TRAPPC9: variants seen among roughly 807,000 people sequenced by gnomAD.
TRAPPC9 encodes the protein trafficking protein particle complex subunit 9, also known as IKK2 binding protein.
Under a neutral mutation model 124.0 loss-of-function variants are expected in TRAPPC9, and 83 were observed. The ratio of observed to expected loss-of-function variants is 0.67; its 90% CI spans 0.56 to 0.80. The LOEUF is 0.80. Ranked by LOEUF, TRAPPC9 falls within the 30% of genes least tolerant of loss-of-function variation. The pLI, the probability that TRAPPC9 is intolerant of heterozygous loss-of-function variation, is 0.00. For missense variants in TRAPPC9, 1,302 were observed against 1,508.3 expected (o/e 0.86, Z 2.27); for synonymous variants, 638 against 617.5 (o/e 1.03, Z -0.49).
chr8:140,341,847 G>A (rs139726455), intron 9 of TRAPPC9, among the ~76,000 whole-genome samples: 405 of 152,298 alleles, frequency 2.7e-3, no homozygotes, highest in African/African-American at 9.2e-3. Context: ...CCTCTGCTCT[G>A]GGCACAGCAG....
rs1230009233 is a variant in TRAPPC9, at chr8:139,852,847, A to T, written c.3055+33032T>A. Among the ~76,000 whole-genome samples, 3 of 152,208 alleles carry T rather than the reference A, an allele frequency of 2.0e-5. No homozygotes were observed. In the East Asian group the frequency reaches 5.8e-4, roughly 29 times the overall value. ...ATGATCCTTTATTCAAGAGGATGGGATATCATCTTTCAAAATATGGGCAGC... is the reference window on the plus strand; with the variant it reads ...ATGATCCTTTATTCAAGAGGATGGGTTATCATCTTTCAAAATATGGGCAGC... On this transcript the variant is annotated intron_variant, in intron 21 of 22. Coordinates refer to ENST00000438773, the MANE Select transcript of TRAPPC9 (RefSeq NM_001160372.4).
chr8:139,802,150 T>C (rs1823581696), intron 21 of TRAPPC9, among the ~76,000 whole-genome samples: 1 of 152,180 alleles, frequency 6.6e-6, no homozygotes. Context: ...ATGGGTCACC[T>C]GAGCACACCC....
At chr8:139,891,040 C>G (rs1830314088) in intron 20 of TRAPPC9, among the ~76,000 whole-genome samples, 1 of 152,096 alleles carries the variant, frequency 6.6e-6, no homozygotes, top group Admixed American at 6.6e-5. Context: ...AAACGGCAAC[C>G]CACGCTCAGC....
intron 19 of TRAPPC9, among the ~76,000 whole-genome samples, chr8:139,937,307 T>C (rs761441561): frequency 2.6e-5 from 4 of 152,190 alleles, no homozygotes; most frequent in African/African-American, 4.8e-5. Context: ...GATAGCAATA[T>C]GGGTGCGGGC....
intron 17 of TRAPPC9, among the ~76,000 whole-genome samples, chr8:140,107,768 G>A (rs1202654764): frequency 6.6e-6 from 1 of 152,212 alleles, no homozygotes; most frequent in Non-Finnish European, 1.5e-5. Context: ...CAAGGGTATG[G>A]GCTTTATTGT....
chr8:140,218,282 G>A (rs966160303), intron 17 of TRAPPC9, among the ~76,000 whole-genome samples: 2 of 152,070 alleles, frequency 1.3e-5, no homozygotes, highest in East Asian at 3.9e-4. Context: ...TAACCAGAAG[G>A]TAAATAGGTC....
intron 13 of TRAPPC9, among the ~76,000 whole-genome samples, chr8:140,286,091 G>A (rs974398582): frequency 5.9e-5 from 9 of 152,374 alleles, no homozygotes; most frequent in Admixed American, 2.0e-4. Flanking sequence ...AGCCCATGCC[G>A]AGGAAGGCTC....
At chr8:140,345,092 G>T (rs1386956044) in intron 9 of TRAPPC9, among the ~76,000 whole-genome samples, 1 of 152,252 alleles carries the variant, frequency 6.6e-6, no homozygotes, top group Non-Finnish European at 1.5e-5. Flanking sequence ...CAGGCCTGCA[G>T]CACCCCAGAA....
chr8:140,045,648 A>AC (rs1456576334), intron 17 of TRAPPC9, among the ~76,000 whole-genome samples: 3 of 143,574 alleles, frequency 2.1e-5, no homozygotes, highest in Non-Finnish European at 3.0e-5. Context: ...AAAAAAAAAA[A>AC]AAAAAAAAAA....
chr8:140,452,821 C>T (rs554725124), intron 1 of TRAPPC9, among the ~76,000 whole-genome samples: 2 of 151,646 alleles, frequency 1.3e-5, no homozygotes, highest in Admixed American at 1.3e-4. Context: ...GAAGTCAGGG[C>T]CGATATTCAA....
intron 21 of TRAPPC9, among the ~76,000 whole-genome samples, chr8:139,777,239 C>T (rs1056482489): frequency 1.3e-5 from 2 of 152,248 alleles, no homozygotes; most frequent in African/African-American, 4.8e-5. Context: ...AGACCACATG[C>T]TCCTTAGGGA....
At chr8:140,139,145 G>C (rs1378843490) in intron 17 of TRAPPC9, among the ~76,000 whole-genome samples, 1 of 152,192 alleles carries the variant, frequency 6.6e-6, no homozygotes, top group Non-Finnish European at 1.5e-5. Context: ...TTGAAGTCAA[G>C]AGTCCAATGG....
intron 17 of TRAPPC9, among the ~76,000 whole-genome samples, chr8:140,052,508 G>A (rs1377208253): frequency 1.3e-5 from 2 of 152,136 alleles, no homozygotes; most frequent in Non-Finnish European, 2.9e-5. Flanking sequence ...AGGGCTGGGT[G>A]TGGTGGCTCA....
intron 19 of TRAPPC9, among the ~76,000 whole-genome samples, chr8:139,970,876 C>T (rs534918992): frequency 6.6e-6 from 1 of 152,172 alleles, no homozygotes; most frequent in East Asian, 1.9e-4. Flanking sequence ...ATGGGGGCCA[C>T]GTGGCTAGAC....
intron 17 of TRAPPC9, among the ~76,000 whole-genome samples, chr8:140,078,293 G>C (rs1417540572): frequency 6.6e-6 from 1 of 152,230 alleles, no homozygotes; most frequent in South Asian, 2.1e-4. Flanking sequence ...TTATAGCAGT[G>C]CCATGGGAAG....
At chr8:140,313,093 G>T (rs996695369) in intron 9 of TRAPPC9, among the ~76,000 whole-genome samples, 1 of 152,178 alleles carries the variant, frequency 6.6e-6, no homozygotes, top group Non-Finnish European at 1.5e-5. Flanking sequence ...GAGCAGAGCA[G>T]AAAAGTGACC....
chr8:140,148,101 C>T (rs888423336), intron 17 of TRAPPC9, among the ~76,000 whole-genome samples: 4 of 152,204 alleles, frequency 2.6e-5, no homozygotes, highest in Admixed American at 1.3e-4. Flanking sequence ...TCCCTTGTCA[C>T]GCACACGGGA....
intron 18 of TRAPPC9, among the ~76,000 whole-genome samples, chr8:140,021,340 C>T (rs1427989657): frequency 2.0e-5 from 3 of 152,206 alleles, no homozygotes; most frequent in African/African-American, 7.2e-5. Flanking sequence ...AATATTATAA[C>T]AATTTGCATA....
intron 18 of TRAPPC9, among the ~76,000 whole-genome samples, chr8:140,019,309 G>A (rs1839674025): frequency 6.6e-6 from 1 of 151,876 alleles, no homozygotes; most frequent in Non-Finnish European, 1.5e-5. Flanking sequence ...AGGTGATGTT[G>A]GTATCATAAA....
Sources: gnomAD v4.1 joint callset for allele counts (sites outside exome capture counted in the v4.1 genomes callset) on GRCh38, gnomAD v4.1.1 for gene constraint, MANE v1.5 for transcripts, NCBI Gene and HGNC (gene_info 2026-07-23, HGNC 2026-07-21) for gene names.